Variants in PRR5L observed in about 807,000 individuals in gnomAD.
PRR5L encodes the protein proline rich 5 like, also known as proline-rich protein 5-like.
A neutral mutation model predicts 36.4 loss-of-function variants in PRR5L; 21 were observed. That is an observed-to-expected ratio of 0.58 (90% CI 0.41 to 0.83). The LOEUF (loss-of-function observed/expected upper bound fraction) is 0.83. Ranked by LOEUF, PRR5L falls within the 40% of genes least tolerant of loss-of-function variation. The pLI is 0.00. For synonymous variants in PRR5L, 188 were observed against 197.0 expected (o/e 0.95, Z 0.38); for missense variants, 381 against 473.3 (o/e 0.80, Z 1.81).
intron 1 of PRR5L, among the ~76,000 whole-genome samples, chr11:36,361,946 G>C (rs551504741): frequency 6.6e-6 from 1 of 151,724 alleles, no homozygotes; most frequent in Admixed American, 6.6e-5. Context: ...GTTGGATAAA[G>C]TGACCTCTGA....
intron 1 of PRR5L, among the ~76,000 whole-genome samples, chr11:36,321,840 A>T (rs10742369): frequency 0.49 from 75,001 of 152,012 alleles, 19,684 homozygotes; most frequent in East Asian, 0.83. Context: ...TTCCTTGGCT[A>T]GTAGATGGCC....
chr11:36,395,361 A>T (rs1421973923), intron 1 of PRR5L, among the ~76,000 whole-genome samples: 1 of 152,266 alleles, frequency 6.6e-6, no homozygotes, highest in Non-Finnish European at 1.5e-5. Context: ...GGATATTAAT[A>T]AGAATGTGTG....
chr11:36,392,735 C>G (rs191309042), intron 1 of PRR5L, among the ~76,000 whole-genome samples: 5 of 152,150 alleles, frequency 3.3e-5, no homozygotes, highest in East Asian at 1.9e-4. Context: ...GAGAGAGAGA[C>G]AGAGAGCAAG....
chr11:36,459,478 C>CCTAG (rs1564956220), intron 8 of PRR5L, among the ~76,000 whole-genome samples: 1 of 152,138 alleles, frequency 6.6e-6, no homozygotes, highest in African/African-American at 2.4e-5. Flanking sequence ...TCTGACCCAC[C>CCTAG]CTAGGGTTTC....
intron 1 of PRR5L, among the ~76,000 whole-genome samples, chr11:36,345,689 C>T (rs1209552612): frequency 6.6e-6 from 1 of 152,186 alleles, no homozygotes; most frequent in Non-Finnish European, 1.5e-5. Flanking sequence ...CTTGCCCTGG[C>T]AGTGGCAGAA....
intron 1 of PRR5L, among the ~76,000 whole-genome samples, chr11:36,342,489 A>T (rs1011781657): frequency 6.6e-6 from 1 of 152,196 alleles, no homozygotes; most frequent in Admixed American, 6.5e-5. Flanking sequence ...ACCTCCAGTA[A>T]GACATGGGTG....
rs114481684 is a variant in PRR5L at position 36,433,089 on chromosome 11, T to A, written c.352+1179T>A. ...AACCCAAGACCTTTAGAAAAAAAAA[T>A]TTAAATTGTGGTTAAACAAAACCCC... On this transcript the variant is annotated intron_variant, in intron 5 of 8. Coordinates refer to ENST00000530639, the MANE Select transcript of PRR5L (RefSeq NM_001160167.2). 8.3e-3 allele frequency among the ~76,000 whole-genome samples: 1,255 copies of A among 152,032 alleles called. 15 individuals are homozygous for A. Among genetic ancestry groups the A allele is most frequent in the African/African-American group, 0.023 (965 of 41,446 alleles).
intron 1 of PRR5L, among the ~76,000 whole-genome samples, chr11:36,313,102 T>C (rs1166050506): frequency 6.6e-6 from 1 of 152,248 alleles, no homozygotes; most frequent in Non-Finnish European, 1.5e-5. Context: ...GCAAAGCAAA[T>C]GGCTTAATGC....
intron 1 of PRR5L, among the ~76,000 whole-genome samples, chr11:36,391,521 G>T (rs944500806): frequency 2.0e-5 from 3 of 152,084 alleles, no homozygotes; most frequent in African/African-American, 4.8e-5. Flanking sequence ...CCCAGGGCCT[G>T]GGCTTTCCAG....
intron 1 of PRR5L, among the ~76,000 whole-genome samples, chr11:36,356,113 T>A (rs1222746922): frequency 6.6e-6 from 1 of 151,976 alleles, no homozygotes; most frequent in Non-Finnish European, 1.5e-5. Context: ...GGTTTCACCA[T>A]GTTGCCTGGG....
intron 4 of PRR5L, among the ~76,000 whole-genome samples, chr11:36,428,710 C>T (rs1412081150): frequency 1.3e-5 from 2 of 152,116 alleles, no homozygotes; most frequent in African/African-American, 4.8e-5. Context: ...GTTTATACAG[C>T]TATAAGATAA....
chr11:36,451,330 C>T lies in PRR5L; in HGVS notation c.707C>T (p.Thr236Met), dbSNP rs145405477. The T allele has an allele frequency of 1.8e-5, 29 of 1,614,024 alleles. No homozygotes were observed. Among genetic ancestry groups the T allele is most frequent in the East Asian group, 6.7e-5 (3 of 44,874 alleles). Residue 236 changes from threonine to methionine, a missense_variant, in exon 8 of 9, where the codon ACG becomes ATG. Transcript: ENST00000530639. Reference sequence around the variant, plus strand: ...CGTAGCTTCTCAGGCCCCACGTACACGCTGGGTAAGGAGTGCAGCTCTCAA... The same window carrying T: ...CGTAGCTTCTCAGGCCCCACGTACATGCTGGGTAAGGAGTGCAGCTCTCAA... Reference protein sequence around the residue: ...GDRSFSGPTYTLARRHSRVRP... With the variant: ...GDRSFSGPTYMLARRHSRVRP...
chr11:36,337,434 A>G (rs1856779470), intron 1 of PRR5L, among the ~76,000 whole-genome samples: 1 of 152,240 alleles, frequency 6.6e-6, no homozygotes, highest in African/African-American at 2.4e-5. Context: ...CCCAGCCTCC[A>G]GAACTGTGAG....
At chr11:36,327,696 A>G (rs1856678906) in intron 1 of PRR5L, among the ~76,000 whole-genome samples, 1 of 152,164 alleles carries the variant, frequency 6.6e-6, no homozygotes, top group South Asian at 2.1e-4. Context: ...ATTCTTCTAC[A>G]TAATAAGAAC....
intron 1 of PRR5L, among the ~76,000 whole-genome samples, chr11:36,310,301 G>A (rs1188579618): frequency 1.3e-5 from 2 of 152,124 alleles, no homozygotes; most frequent in Non-Finnish European, 2.9e-5. Flanking sequence ...TAGAACTACT[G>A]CCTTAAGTAT....
intron 3 of PRR5L, among the ~76,000 whole-genome samples, chr11:36,410,959 AC>A (rs1858013716): frequency 6.6e-6 from 1 of 152,206 alleles, no homozygotes; most frequent in African/African-American, 2.4e-5. Flanking sequence ...GGCGGATCTC[AC>A]CAAAGGGCCA....
intron 1 of PRR5L, among the ~76,000 whole-genome samples, chr11:36,382,433 G>A (rs1025285849): frequency 6.6e-6 from 1 of 152,202 alleles, no homozygotes; most frequent in African/African-American, 2.4e-5. Context: ...GATGGCCAAG[G>A]AAGCATGGTC....
intron 1 of PRR5L, among the ~76,000 whole-genome samples, chr11:36,354,980 G>T (rs1857010888): frequency 6.6e-6 from 1 of 152,210 alleles, no homozygotes; most frequent in Admixed American, 6.5e-5. Context: ...GGGTAGCTGG[G>T]AGAAAATGCT....
chr11:36,451,098 G>C, intron 7 of PRR5L, 111 bp from the exon 8 acceptor site: 1 of 1,344,534 alleles, frequency 7.4e-7, no homozygotes. Context: ...CTGCCTGCCA[G>C]CAACACAGCC....
Sources: gnomAD v4.1 joint callset for allele counts (sites outside exome capture counted in the v4.1 genomes callset) on GRCh38, gnomAD v4.1.1 for gene constraint, MANE v1.5 for transcripts, NCBI Gene and HGNC (gene_info 2026-07-23, HGNC 2026-07-21) for gene names.